Variants in LRMDA observed in about 807,000 individuals in gnomAD.
The protein encoded by LRMDA is leucine rich melanocyte differentiation associated.
Under a neutral mutation model 29.8 loss-of-function variants are expected in LRMDA, and 18 were observed. That is an observed-to-expected ratio of 0.60 (90% CI 0.42 to 0.90). The LOEUF is 0.90. Among genes scored for constraint, LRMDA ranks in the 40% least tolerant of loss-of-function variants. The probability of loss-of-function intolerance (pLI) is 0.00; values close to 1 mark genes in which losing one functional copy is unlikely to be tolerated. For synonymous variants in LRMDA, 125 were observed against 109.4 expected (o/e 1.14, Z -0.89); for missense variants, 273 against 273.9 (o/e 1.00, Z 0.02).
chr10:75,844,764 C>T (rs926177312), intron 2 of LRMDA, among the ~76,000 whole-genome samples: 8 of 152,184 alleles, frequency 5.3e-5, no homozygotes, highest in Non-Finnish European at 1.0e-4. Flanking sequence ...TAACTAGCAC[C>T]TGTTGTCAAT....
At chr10:76,363,054 G>A (rs577154204) in intron 6 of LRMDA, among the ~76,000 whole-genome samples, 5 of 149,092 alleles carry the variant, frequency 3.4e-5, no homozygotes, top group African/African-American at 1.2e-4. Flanking sequence ...ATTAAAAAGT[G>A]TACAAATGTG....
At chr10:76,326,958 A>G (rs369457131) in intron 6 of LRMDA, among the ~76,000 whole-genome samples, 2 of 152,116 alleles carry the variant, frequency 1.3e-5, no homozygotes, top group East Asian at 1.9e-4. Flanking sequence ...TTCTATAGGT[A>G]TGTCTGATAT....
chr10:76,018,334 C>A (rs567602630), intron 2 of LRMDA, among the ~76,000 whole-genome samples: 28 of 152,290 alleles, frequency 1.8e-4, no homozygotes, highest in African/African-American at 6.3e-4. Context: ...TCATGACAAT[C>A]AAAAATGTCT....
intron 2 of LRMDA, among the ~76,000 whole-genome samples, chr10:76,004,653 G>A (rs1269005300): frequency 1.3e-5 from 2 of 151,984 alleles, no homozygotes; most frequent in Non-Finnish European, 2.9e-5. Context: ...TTTTGTTGTC[G>A]ATAGTGTAGG....
intron 2 of LRMDA, among the ~76,000 whole-genome samples, chr10:75,991,766 A>G (rs1273930264): frequency 6.6e-6 from 1 of 152,206 alleles, no homozygotes; most frequent in African/African-American, 2.4e-5. Flanking sequence ...AAAACCTAGC[A>G]CAGTCAACTG....
At chr10:75,436,326 C>T (rs915152691) in intron 1 of LRMDA, among the ~76,000 whole-genome samples, 10 of 152,158 alleles carry the variant, frequency 6.6e-5, no homozygotes, top group Non-Finnish European at 1.0e-4. Flanking sequence ...TAAAACTCAA[C>T]GTCTCTGCTA....
intron 2 of LRMDA, among the ~76,000 whole-genome samples, chr10:75,800,812 C>T (rs1207723328): frequency 6.6e-6 from 1 of 152,098 alleles, no homozygotes. Context: ...TAGCATTTTC[C>T]ATTGCGTTAA....
intron 5 of LRMDA, among the ~76,000 whole-genome samples, chr10:76,205,961 C>T (rs994282102): frequency 6.6e-6 from 1 of 152,154 alleles, no homozygotes; most frequent in Non-Finnish European, 1.5e-5. Context: ...TTAGCATCCA[C>T]CTTTTAACAA....
chr10:76,332,290 G>T (rs1054032016), intron 6 of LRMDA, among the ~76,000 whole-genome samples: 1 of 152,224 alleles, frequency 6.6e-6, no homozygotes, highest in Non-Finnish European at 1.5e-5. Context: ...ATGGAGTTTA[G>T]CCAGGAACTT....
At chr10:75,528,277 A>C (rs939613805) in intron 2 of LRMDA, among the ~76,000 whole-genome samples, 5 of 152,168 alleles carry the variant, frequency 3.3e-5, no homozygotes, top group African/African-American at 1.2e-4. Context: ...TCATTCGACA[A>C]CTTTGCTTAC....
chr10:75,584,215 T>A (rs1016159182), intron 2 of LRMDA, among the ~76,000 whole-genome samples: 1 of 152,146 alleles, frequency 6.6e-6, no homozygotes, highest in African/African-American at 2.4e-5. Flanking sequence ...TTCCCTAGGC[T>A]AGGAGCTGCC....
At chr10:75,864,658 G>C (rs752514371) in intron 2 of LRMDA, among the ~76,000 whole-genome samples, 2 of 152,110 alleles carry the variant, frequency 1.3e-5, no homozygotes, top group Non-Finnish European at 2.9e-5. Context: ...CTCAACATTT[G>C]CTTTTTACAA....
chr10:75,544,557 G>A (rs1264394368), intron 2 of LRMDA, among the ~76,000 whole-genome samples: 1 of 152,174 alleles, frequency 6.6e-6, no homozygotes, highest in Non-Finnish European at 1.5e-5. Context: ...GGAAGGTACT[G>A]CCTCTTGCAT....
intron 2 of LRMDA, among the ~76,000 whole-genome samples, chr10:75,998,554 G>A (rs898602777): frequency 1.8e-4 from 27 of 152,204 alleles, no homozygotes; most frequent in Non-Finnish European, 4.0e-4. Flanking sequence ...TATGCACCAT[G>A]TACTGTTGTA....
At chr10:76,261,231 ATTT>A (rs552706079) in intron 5 of LRMDA, among the ~76,000 whole-genome samples, 3 of 146,374 alleles carry the variant, frequency 2.0e-5, no homozygotes, top group Non-Finnish European at 4.5e-5. Flanking sequence ...CGCCCGGATA[ATTT>A]TTTTTTTTCT....
intron 2 of LRMDA, among the ~76,000 whole-genome samples, chr10:76,019,884 T>C (rs1847940999): frequency 1.3e-5 from 2 of 152,194 alleles, no homozygotes; most frequent in African/African-American, 4.8e-5. Flanking sequence ...GAGCCTGATA[T>C]CTAAGTCAGG....
chr10:75,867,820 G>A (rs764692028), intron 2 of LRMDA, among the ~76,000 whole-genome samples: 5 of 151,912 alleles, frequency 3.3e-5, no homozygotes, highest in African/African-American at 4.8e-5. Context: ...CTCTGTAAAG[G>A]GCCAAATAGT....
chr10:75,964,033 A>G (rs1004304694), intron 2 of LRMDA, among the ~76,000 whole-genome samples: 1 of 152,076 alleles, frequency 6.6e-6, no homozygotes, highest in East Asian at 1.9e-4. Context: ...GATTTTTATG[A>G]TCCTGCAGGA....
intron 2 of LRMDA, among the ~76,000 whole-genome samples, chr10:75,778,739 A>G (rs191713965): frequency 1.3e-5 from 2 of 152,346 alleles, no homozygotes; most frequent in Admixed American, 1.3e-4. Flanking sequence ...TTTATTCACT[A>G]TCTTGTCACT....
Sources: allele counts gnomAD v4.1 joint callset (sites outside exome capture counted in the v4.1 genomes callset), GRCh38; gene constraint gnomAD v4.1.1; transcripts MANE v1.5; gene names NCBI Gene and HGNC (gene_info 2026-07-23, HGNC 2026-07-21).